NALF1: variants seen among roughly 807,000 people sequenced by gnomAD.
NALF1 encodes NALCN channel auxiliary factor 1.
Under a neutral mutation model 48.4 loss-of-function variants are expected in NALF1, and 3 were observed. The observed-to-expected ratio is 0.06, with a 90% confidence interval of 0.03 to 0.16. The LOEUF (loss-of-function observed/expected upper bound fraction) is 0.16, where lower values mean the gene tolerates loss of function less well. Among genes scored for constraint, NALF1 ranks in the 10% least tolerant of loss-of-function variants. The pLI, the probability that NALF1 is intolerant of heterozygous loss-of-function variation, is 1.00. For missense variants in NALF1, 526 were observed against 571.5 expected, an observed-to-expected ratio of 0.92 and a Z score of 0.81; for synonymous variants, 262 against 245.7, an observed-to-expected ratio of 1.07 and a Z score of -0.62.
intron 1 of NALF1, among the ~76,000 whole-genome samples, chr13:107,489,967 A>G (rs566369839): frequency 6.6e-6 from 1 of 152,360 alleles, no homozygotes; most frequent in African/African-American, 2.4e-5. Context: ...CATGTAGCTA[A>G]CAATCATCTG....
rs554975299 is a variant in NALF1 at position 107,841,895 on chromosome 13, T to A, written c.915+23787A>T. On this transcript the variant is annotated intron_variant, in intron 1 of 2. Coordinates refer to ENST00000375915, the MANE Select transcript of NALF1 (RefSeq NM_001080396.3). ...TGAAAATCATACGGAGAAATATGCA[T>A]CTATATATAATTACTATTATTTTAG... Among the ~76,000 whole-genome samples, 63 of 152,088 alleles carry A rather than the reference T, an allele frequency of 4.1e-4. No individual in the cohort carries two copies. In the South Asian group the frequency reaches 0.011, roughly 27 times the overall value.
intron 1 of NALF1, among the ~76,000 whole-genome samples, chr13:107,674,067 T>C (rs1380092837): frequency 2.0e-5 from 3 of 152,132 alleles, no homozygotes; most frequent in African/African-American, 7.2e-5. Context: ...CACTTAATTT[T>C]CACTTCAAGT....
chr13:107,509,544 T>C (rs1875811054), intron 1 of NALF1, among the ~76,000 whole-genome samples: 1 of 152,152 alleles, frequency 6.6e-6, no homozygotes, highest in Non-Finnish European at 1.5e-5. Context: ...GAGCTGTAGG[T>C]ACTTCACACA....
At chr13:107,214,645 C>A (rs368486014) in intron 1 of NALF1, among the ~76,000 whole-genome samples, 3 of 152,202 alleles carry the variant, frequency 2.0e-5, no homozygotes, top group East Asian at 3.9e-4. Flanking sequence ...CCCACCGCCC[C>A]CACGCTCCTC....
intron 1 of NALF1, among the ~76,000 whole-genome samples, chr13:107,355,546 C>CG (rs1447792506): frequency 2.0e-5 from 3 of 151,936 alleles, no homozygotes; most frequent in East Asian, 1.9e-4. Context: ...AGGGACCTGG[C>CG]GGGGGGTGAG....
At chr13:107,699,757 T>C (rs752521000) in intron 1 of NALF1, among the ~76,000 whole-genome samples, 2 of 152,048 alleles carry the variant, frequency 1.3e-5, no homozygotes, top group African/African-American at 2.4e-5. Context: ...GATAATTCCA[T>C]ATGTAGAAAA....
At chr13:107,705,965 T>TA (rs753053105) in intron 1 of NALF1, among the ~76,000 whole-genome samples, 1 of 151,922 alleles carries the variant, frequency 6.6e-6, no homozygotes, top group Non-Finnish European at 1.5e-5. Context: ...GAGAAAGAGA[T>TA]AGACTCTTTG....
chr13:107,817,976 C>T (rs534135936), intron 1 of NALF1, among the ~76,000 whole-genome samples: 1 of 152,320 alleles, frequency 6.6e-6, no homozygotes, highest in South Asian at 2.1e-4. Flanking sequence ...AGGAATAAGG[C>T]AAGCTCTTTG....
intron 1 of NALF1, among the ~76,000 whole-genome samples, chr13:107,707,132 C>T (rs1485267069): frequency 6.6e-6 from 1 of 151,378 alleles, no homozygotes; most frequent in Non-Finnish European, 1.5e-5. Context: ...CCGTTTTAGC[C>T]GGGATGGTCT....
intron 1 of NALF1, among the ~76,000 whole-genome samples, chr13:107,374,672 C>G (rs1184063510): frequency 6.6e-6 from 1 of 152,038 alleles, no homozygotes; most frequent in Non-Finnish European, 1.5e-5. Flanking sequence ...CCCAGAGCAA[C>G]AGTGTTGGGA....
intron 1 of NALF1, among the ~76,000 whole-genome samples, chr13:107,473,712 C>T (rs1338444519): frequency 1.3e-5 from 2 of 152,166 alleles, no homozygotes; most frequent in Non-Finnish European, 2.9e-5. Context: ...ATTTTCACTC[C>T]ATTCAGCAGA....
chr13:107,521,382 T>G (rs1179731436), intron 1 of NALF1, among the ~76,000 whole-genome samples: 1 of 152,208 alleles, frequency 6.6e-6, no homozygotes, highest in Non-Finnish European at 1.5e-5. Flanking sequence ...TTTCTTAGTG[T>G]AATAGAAAAC....
chr13:107,855,133 A>T (rs1162433805), intron 1 of NALF1, among the ~76,000 whole-genome samples: 1 of 152,146 alleles, frequency 6.6e-6, no homozygotes, highest in East Asian at 1.9e-4. Context: ...ATTTCACCAC[A>T]TGCTTGCTCC....
Position 107,438,534 on chromosome 13 carries a change from T to G in NALF1, c.916-227779A>C, listed in dbSNP as rs1328014941. ...TAAGAATAATATAGGCTGGGCCCAGTGGCTCATGCCTGTCATCTCAGCACT... is the reference window on the plus strand; with the variant it reads ...TAAGAATAATATAGGCTGGGCCCAGGGGCTCATGCCTGTCATCTCAGCACT... On this transcript the variant is annotated intron_variant, in intron 1 of 2. Transcript: ENST00000375915. Among the ~76,000 whole-genome samples the G allele has an allele frequency of 3.9e-5, 6 of 152,040 alleles. No individual in the cohort carries two copies. The East Asian group carries it at 5.8e-4, about 15-fold the overall frequency.
intron 1 of NALF1, among the ~76,000 whole-genome samples, chr13:107,442,431 AC>A (rs2139027260): frequency 6.6e-6 from 1 of 152,308 alleles, no homozygotes; most frequent in African/African-American, 2.4e-5. Context: ...TTGTCTGTGT[AC>A]CCCTAGTTAA....
chr13:107,353,049 G>GCTTATCCC (rs1384203583), intron 1 of NALF1, among the ~76,000 whole-genome samples: 2 of 152,050 alleles, frequency 1.3e-5, no homozygotes, highest in Non-Finnish European at 1.5e-5. Flanking sequence ...TACCCATGCA[G>GCTTATCCC]CTTCTCCCCT....
intron 1 of NALF1, among the ~76,000 whole-genome samples, chr13:107,608,743 C>A (rs1007633589): frequency 3.3e-5 from 5 of 152,176 alleles, no homozygotes; most frequent in African/African-American, 1.2e-4. Context: ...AAATAGAATT[C>A]ATCCCCAAGG....
chr13:107,744,172 C>T (rs547781273), intron 1 of NALF1, among the ~76,000 whole-genome samples: 14 of 152,164 alleles, frequency 9.2e-5, no homozygotes, highest in Non-Finnish European at 1.6e-4. Flanking sequence ...TTGAGTCAGA[C>T]AGACTTGGGC....
chr13:107,460,208 A>C (rs1173197231), intron 1 of NALF1, among the ~76,000 whole-genome samples: 1 of 152,212 alleles, frequency 6.6e-6, no homozygotes, highest in Non-Finnish European at 1.5e-5. Flanking sequence ...AAGATGATAA[A>C]TTAAAAAGCA....
Sources: allele counts gnomAD v4.1 joint callset (sites outside exome capture counted in the v4.1 genomes callset), GRCh38; gene constraint gnomAD v4.1.1; transcripts MANE v1.5; gene names NCBI Gene and HGNC (gene_info 2026-07-23, HGNC 2026-07-21).